Variants in HMCN1 observed in about 807,000 individuals in gnomAD.
The protein encoded by HMCN1 is hemicentin-1.
Under a neutral mutation model 625.9 loss-of-function variants are expected in HMCN1, and 321 were observed. The ratio of observed to expected loss-of-function variants is 0.51; its 90% CI spans 0.47 to 0.56. The LOEUF (loss-of-function observed/expected upper bound fraction) is 0.56. HMCN1 is among the 20% of genes least tolerant of loss of function. The pLI, the probability that HMCN1 is intolerant of heterozygous loss-of-function variation, is 0.00. For synonymous variants in HMCN1, 2,425 were observed against 2,417.6 expected, an observed-to-expected ratio of 1.00 and a Z score of -0.09; for missense variants, 6,588 against 6,887.3, an observed-to-expected ratio of 0.96 and a Z score of 1.54.
chr1:185,908,187 A>T (rs1302566703), intron 4 of HMCN1, among the ~76,000 whole-genome samples: 1 of 151,928 alleles, frequency 6.6e-6, no homozygotes, highest in African/African-American at 2.4e-5. Flanking sequence ...GTTATGTGAT[A>T]ATAAGTCTTA....
intron 9 of HMCN1, among the ~76,000 whole-genome samples, chr1:185,926,828 G>A (rs774415490): frequency 1.3e-5 from 2 of 152,174 alleles, no homozygotes; most frequent in Admixed American, 6.5e-5. Flanking sequence ...GAGAGAATCC[G>A]TTTGCATTAG....
intron 1 of HMCN1, among the ~76,000 whole-genome samples, chr1:185,778,253 C>T (rs1199588138): frequency 6.6e-6 from 1 of 152,112 alleles, no homozygotes; most frequent in East Asian, 1.9e-4. Context: ...ATATAGTTCA[C>T]AGAGGTATGG....
chr1:185,822,387 A>C (rs1459333191), intron 1 of HMCN1, among the ~76,000 whole-genome samples: 1 of 152,128 alleles, frequency 6.6e-6, no homozygotes, highest in Non-Finnish European at 1.5e-5. Flanking sequence ...CAGTCTTAAA[A>C]CATAAAATAA....
intron 4 of HMCN1, among the ~76,000 whole-genome samples, chr1:185,876,911 G>A (rs1185351259): frequency 6.6e-6 from 1 of 151,748 alleles, no homozygotes; most frequent in African/African-American, 2.4e-5. Flanking sequence ...GAGGTATTTT[G>A]TTTAAGTCCC....
intron 4 of HMCN1, among the ~76,000 whole-genome samples, chr1:185,885,389 G>A (rs1664581733): frequency 6.6e-6 from 1 of 151,886 alleles, no homozygotes; most frequent in Admixed American, 6.6e-5. Context: ...TGTCCATTGA[G>A]TGTTATAGTT....
At chr1:185,743,476 A>G (rs115967744) in intron 1 of HMCN1, among the ~76,000 whole-genome samples, 2,217 of 152,300 alleles carry the variant, frequency 0.015, 15 homozygotes, top group Non-Finnish European at 0.023. Flanking sequence ...TGGGGATTTA[A>G]ATGCAGTCTG....
chr1:186,068,031 C>A, intron 50 of HMCN1, 24 bp downstream of exon 50: 3 of 1,576,004 alleles, frequency 1.9e-6, no homozygotes, highest in Non-Finnish European at 2.6e-6. Flanking sequence ...TTCAGATGTC[C>A]AAGATGCATC....
intron 13 of HMCN1, among the ~76,000 whole-genome samples, chr1:185,965,472 T>C (rs749784902): frequency 6.6e-6 from 1 of 152,130 alleles, no homozygotes; most frequent in African/African-American, 2.4e-5. Flanking sequence ...TTCTCTAAGA[T>C]GTATTCTGAT....
At chr1:185,834,459 A>G (rs1661047576) in intron 1 of HMCN1, among the ~76,000 whole-genome samples, 1 of 152,188 alleles carries the variant, frequency 6.6e-6, no homozygotes, top group Admixed American at 6.5e-5. Flanking sequence ...GGCCTCAGGT[A>G]CATGTTGGCT....
intron 1 of HMCN1, among the ~76,000 whole-genome samples, chr1:185,740,822 C>T (rs1424377578): frequency 3.3e-5 from 5 of 151,802 alleles, no homozygotes; most frequent in East Asian, 1.9e-4. Flanking sequence ...GGTGAAACCC[C>T]GTCTCCACTA....
chr1:186,056,479 T>C (rs913554077), intron 45 of HMCN1, among the ~76,000 whole-genome samples: 1 of 151,980 alleles, frequency 6.6e-6, no homozygotes, highest in Admixed American at 6.6e-5. Flanking sequence ...ATATTCACAG[T>C]AGCAAAGACA....
At chr1:185,919,794 C>G (rs572370082) in intron 6 of HMCN1, among the ~76,000 whole-genome samples, 38 of 152,304 alleles carry the variant, frequency 2.5e-4, no homozygotes, top group Middle Eastern at 3.4e-3. Context: ...CTTAACCTCT[C>G]TTATTCATGA....
intron 1 of HMCN1, among the ~76,000 whole-genome samples, chr1:185,811,214 A>G (rs1187591906): frequency 6.6e-6 from 1 of 152,164 alleles, no homozygotes; most frequent in Non-Finnish European, 1.5e-5. Context: ...TTTGAAAAAC[A>G]AGGGCTATTA....
intron 4 of HMCN1, among the ~76,000 whole-genome samples, chr1:185,891,261 A>G (rs1182189800): frequency 7.2e-6 from 1 of 138,522 alleles, no homozygotes; most frequent in African/African-American, 3.2e-5. Flanking sequence ...TTGACTCTTT[A>G]TCCAATTTGC....
At chr1:186,077,764 A>G (rs748636020) in intron 54 of HMCN1, among the ~76,000 whole-genome samples, 1 of 152,234 alleles carries the variant, frequency 6.6e-6, no homozygotes, top group Non-Finnish European at 1.5e-5. Context: ...CAAATGGTGT[A>G]AACTTCTATT....
At chr1:186,128,347 G>A (rs770843202) in intron 83 of HMCN1, 56 bp downstream of exon 83, 35 of 1,377,426 alleles carry the variant, frequency 2.5e-5, no homozygotes, top group South Asian at 9.3e-5. Context: ...AACTCTAGAC[G>A]AAGCTCTGTT....
chr1:186,022,908 A>G (rs1413555003), intron 35 of HMCN1, 122 bp from the exon 36 acceptor site: 1 of 976,940 alleles, frequency 1.0e-6, no homozygotes, highest in Non-Finnish European at 1.6e-6. Flanking sequence ...GGGTTTATTA[A>G]GATATTGGCA....
At chr1:186,002,565 A>G (rs751511826) in intron 28 of HMCN1, among the ~76,000 whole-genome samples, 1 of 152,046 alleles carries the variant, frequency 6.6e-6, no homozygotes, top group Non-Finnish European at 1.5e-5. Flanking sequence ...CAAATTACGA[A>G]ATCATTGTTA....
At position 185,978,900 on chromosome 1, in the gene HMCN1, C is replaced by T. The variant is rs562370707; in HGVS notation, c.2566+919C>T. On this transcript the variant is annotated intron_variant, in intron 16 of 106. Transcript: ENST00000271588. Reference sequence around the variant, plus strand: ...TTTACCATGTTGGCCAGGCTGGTCTCGAATTCTTGACCTCAAATGATCCAC... The same window carrying T: ...TTTACCATGTTGGCCAGGCTGGTCTTGAATTCTTGACCTCAAATGATCCAC... Among the ~76,000 whole-genome samples, 6 of 152,144 alleles carry T rather than the reference C, an allele frequency of 3.9e-5. No individual in the cohort carries two copies. In the South Asian group the frequency reaches 8.3e-4, roughly 21 times the overall value.
Sources: gnomAD v4.1 joint callset for allele counts (sites outside exome capture counted in the v4.1 genomes callset) on GRCh38, gnomAD v4.1.1 for gene constraint, MANE v1.5 for transcripts, NCBI Gene and HGNC (gene_info 2026-07-23, HGNC 2026-07-21) for gene names.